SYN2: variants seen among roughly 807,000 people sequenced by gnomAD.
The protein encoded by SYN2 is synapsin-2.
SYN2 carries 19 observed loss-of-function variants against 50.9 expected under a neutral mutation model. The observed-to-expected ratio is 0.37, with a 90% CI of 0.26 to 0.55. SYN2 has a LOEUF of 0.55. Among genes scored for constraint, SYN2 ranks in the 20% least tolerant of loss-of-function variants. SYN2 has a pLI of 0.81. For missense variants in SYN2, 587 were observed against 576.4 expected, an observed-to-expected ratio of 1.02 and a Z score of -0.19; for synonymous variants, 255 against 224.9, an observed-to-expected ratio of 1.13 and a Z score of -1.20.
At position 12,162,017 on chromosome 3, in the gene SYN2, A is replaced by C; in HGVS notation, c.843A>C (p.Lys281Asn). ...CTGCCCTGCTCTAACATTAGGTCAA[A>C]GTGGAAAACCACTACGACTTCCAGG... ...GHAHSGMGKV[K>N]VENHYDFQDI... Residue 281 changes from lysine (K) to asparagine (N), a missense_variant, in exon 7 of 13, where the codon AAA (lysine) becomes AAC (asparagine). Transcript: ENST00000621198. 1 of 1,614,022 alleles carries C rather than the reference A, an allele frequency of 6.2e-7. No individual in the cohort carries two copies. The highest frequency in any genetic ancestry group is 8.5e-7 in the Non-Finnish European group (1 of 1,179,888).
At chr3:12,086,677 A>G (rs1695708741) in intron 1 of SYN2, among the ~76,000 whole-genome samples, 1 of 152,212 alleles carries the variant, frequency 6.6e-6, no homozygotes, top group Non-Finnish European at 1.5e-5. Context: ...CTTTCTTGAT[A>G]AAAACTTTCA....
At chr3:12,159,887 A>G (rs1222824347) in intron 5 of SYN2, among the ~76,000 whole-genome samples, 3 of 151,898 alleles carry the variant, frequency 2.0e-5, no homozygotes, top group Non-Finnish European at 4.4e-5. Flanking sequence ...TACTAAAAAT[A>G]CAAAAGTTAG....
intron 1 of SYN2, chr3:12,071,577 G>T: frequency 2.9e-6 from 1 of 344,162 alleles, no homozygotes; most frequent in East Asian, 7.5e-5. Flanking sequence ...TTTACCCCTT[G>T]GTATTTGTAG....
At chr3:12,006,787 G>A (rs561426832) in intron 1 of SYN2, among the ~76,000 whole-genome samples, 2 of 152,300 alleles carry the variant, frequency 1.3e-5, no homozygotes, top group East Asian at 1.9e-4. Context: ...AAGAAATCTA[G>A]AATTATTGGT....
intron 1 of SYN2, among the ~76,000 whole-genome samples, chr3:12,027,099 C>T (rs1694277962): frequency 2.0e-5 from 3 of 152,280 alleles, no homozygotes; most frequent in African/African-American, 7.2e-5. Flanking sequence ...GGTGTCCTTG[C>T]CATTCTAAAC....
intron 1 of SYN2, among the ~76,000 whole-genome samples, chr3:12,129,233 C>A (rs550677040): frequency 6.6e-6 from 1 of 152,168 alleles, no homozygotes; most frequent in Admixed American, 6.5e-5. Flanking sequence ...TGAGCTGAGA[C>A]TTACACATTA....
chr3:12,070,575 G>A (rs542218287), intron 1 of SYN2: 10 of 1,299,852 alleles, frequency 7.7e-6, no homozygotes, highest in Admixed American at 1.8e-5. Context: ...GAACCCCAAG[G>A]CCAACAGAGA....
At chr3:12,133,840 T>G (rs775085656) in intron 1 of SYN2, among the ~76,000 whole-genome samples, 7 of 152,224 alleles carry the variant, frequency 4.6e-5, no homozygotes, top group Non-Finnish European at 1.0e-4. Flanking sequence ...AAAATTAATT[T>G]TGTTTGGTGA....
intron 1 of SYN2, among the ~76,000 whole-genome samples, chr3:12,082,405 T>G (rs555307828): frequency 3.9e-5 from 6 of 152,208 alleles, no homozygotes; most frequent in African/African-American, 1.4e-4. Flanking sequence ...ACCACTCTTA[T>G]GAGTCCTGAG....
intron 1 of SYN2, among the ~76,000 whole-genome samples, chr3:12,015,369 A>T (rs425392): frequency 0.64 from 97,660 of 152,066 alleles, 33,886 homozygotes; most frequent in South Asian, 0.78. Flanking sequence ...GAAGGCAGTG[A>T]CTATAACTTT....
At chr3:12,145,622 A>G (rs1236922619) in intron 3 of SYN2, 57 bp from the exon 4 acceptor site, 2 of 1,581,168 alleles carry the variant, frequency 1.3e-6, no homozygotes, top group African/African-American at 1.3e-5. Context: ...GGGAACCAAA[A>G]TGATGTATGG....
At chr3:12,058,401 G>C (rs1035393482) in intron 1 of SYN2, among the ~76,000 whole-genome samples, 3 of 152,126 alleles carry the variant, frequency 2.0e-5, no homozygotes, top group Non-Finnish European at 2.9e-5. Flanking sequence ...TTTAGAATGA[G>C]TTATTCCAGT....
At chr3:12,091,899 G>T in intron 1 of SYN2, among the ~76,000 whole-genome samples, 1 of 152,154 alleles carries the variant, frequency 6.6e-6, no homozygotes, top group African/African-American at 2.4e-5. Context: ...ATTGCAAAAT[G>T]AATGTTAAAT....
chr3:12,154,801 C>A (rs1348565571), intron 5 of SYN2, among the ~76,000 whole-genome samples: 2 of 152,150 alleles, frequency 1.3e-5, no homozygotes, highest in Admixed American at 6.5e-5. Flanking sequence ...TATAACCTCT[C>A]AGCTGGAAGA....
At chr3:12,044,873 A>G (rs1304629076) in intron 1 of SYN2, among the ~76,000 whole-genome samples, 1 of 152,230 alleles carries the variant, frequency 6.6e-6, no homozygotes, top group Non-Finnish European at 1.5e-5. Flanking sequence ...TGTGTGCTAC[A>G]TACTGTGCTA....
At chr3:12,112,530 A>G (rs1235478227) in intron 1 of SYN2, among the ~76,000 whole-genome samples, 2 of 152,164 alleles carry the variant, frequency 1.3e-5, no homozygotes, top group African/African-American at 4.8e-5. Flanking sequence ...CCATTAAAAT[A>G]TAAAAGTACT....
chr3:12,161,728 G>T, intron 6 of SYN2, 120 bp downstream of exon 6: 1 of 1,264,430 alleles, frequency 7.9e-7, no homozygotes, highest in South Asian at 1.3e-5. Flanking sequence ...AAGAGAAGAT[G>T]ATTTGCCACC....
At chr3:12,090,443 G>A (rs1695801532) in intron 1 of SYN2, among the ~76,000 whole-genome samples, 2 of 152,298 alleles carry the variant, frequency 1.3e-5, no homozygotes, top group South Asian at 4.1e-4. Flanking sequence ...TGGAAGGAAT[G>A]CTAAGCTGAA....
intron 1 of SYN2, among the ~76,000 whole-genome samples, chr3:12,110,148 A>G (rs1176168396): frequency 6.6e-6 from 1 of 152,190 alleles, no homozygotes; most frequent in East Asian, 1.9e-4. Context: ...TGATTGTGCC[A>G]CTGTATTCCA....
Sources: gnomAD v4.1 joint callset for allele counts (sites outside exome capture counted in the v4.1 genomes callset) on GRCh38, gnomAD v4.1.1 for gene constraint, MANE v1.5 for transcripts, NCBI Gene and HGNC (gene_info 2026-07-23, HGNC 2026-07-21) for gene names.